The following AADACL4 variants were observed in gnomAD, a reference collection of about 807,000 sequenced individuals.
AADACL4 encodes the protein arylacetamide deacetylase like 4.
A neutral mutation model predicts 14.1 loss-of-function variants in AADACL4; 9 were observed. The observed-to-expected ratio is 0.64, with a 90% CI of 0.39 to 1.12. AADACL4 has a LOEUF of 1.12. Among genes scored for constraint, AADACL4 ranks in the 50% most tolerant of loss-of-function variants. The pLI, the probability that AADACL4 is intolerant of heterozygous loss-of-function variation, is 0.01. For missense variants in AADACL4, 531 were observed against 516.1 expected (o/e 1.03, Z -0.28); for synonymous variants, 188 against 201.6 (o/e 0.93, Z 0.57).
At chr1:12,660,784 C>T (rs1343298125) in intron 2 of AADACL4, among the ~76,000 whole-genome samples, 1 of 152,162 alleles carries the variant, frequency 6.6e-6, no homozygotes, top group Non-Finnish European at 1.5e-5. Flanking sequence ...GCTGGGACTA[C>T]AGGCATGTGC....
chr1:12,659,064 T>C (rs1647206559), intron 2 of AADACL4, among the ~76,000 whole-genome samples: 1 of 152,182 alleles, frequency 6.6e-6, no homozygotes, highest in African/African-American at 2.4e-5. Context: ...TATGGATGTA[T>C]GGACCGACGC....
At position 12,644,530 on chromosome 1, in the gene AADACL4, C is replaced by T. The variant is rs1436638636; in HGVS notation, c.-17C>T. 1 of 1,612,614 alleles carries T rather than the reference C, an allele frequency of 6.2e-7. No homozygotes were observed. Among genetic ancestry groups the T allele is most frequent in the Admixed American group, 1.7e-5 (1 of 59,932 alleles). ...GACAAGCTCCTCAGGGCAGCAGCTC[C>T]TCAAGGCCCCAGGAACATGGCTGTC... On this transcript the variant is annotated 5_prime_UTR_variant, in exon 1 of 4. Coordinates refer to ENST00000376221, the MANE Select transcript of AADACL4 (RefSeq NM_001013630.2).
chr1:12,661,030 G>A (rs1304404040), intron 2 of AADACL4, among the ~76,000 whole-genome samples: 4 of 152,108 alleles, frequency 2.6e-5, no homozygotes, highest in African/African-American at 4.8e-5. Context: ...TGACTGCTCC[G>A]ACTCAATTTA....
chr1:12,656,564 A>G (rs1385092360), intron 2 of AADACL4, among the ~76,000 whole-genome samples: 1 of 152,180 alleles, frequency 6.6e-6, no homozygotes, highest in East Asian at 1.9e-4. Context: ...TAAGGGGCCT[A>G]CCCTGCTGCG....
intron 2 of AADACL4, among the ~76,000 whole-genome samples, chr1:12,654,192 A>AGG (rs1647167333): frequency 6.6e-6 from 1 of 152,222 alleles, no homozygotes; most frequent in South Asian, 2.1e-4. Flanking sequence ...TTGGCACTAT[A>AGG]GGATGTAAGA....
chr1:12,657,527 G>T (rs969721014), intron 2 of AADACL4, among the ~76,000 whole-genome samples: 1 of 152,146 alleles, frequency 6.6e-6, no homozygotes, highest in Non-Finnish European at 1.5e-5. Flanking sequence ...ATTCAAGGAC[G>T]AGTCAGAAAA....
At chr1:12,657,851 T>A (rs1454052529) in intron 2 of AADACL4, among the ~76,000 whole-genome samples, 1 of 152,166 alleles carries the variant, frequency 6.6e-6, no homozygotes, top group African/African-American at 2.4e-5. Flanking sequence ...CGGTGCCATG[T>A]TGGGTCCAGT....
intron 2 of AADACL4, among the ~76,000 whole-genome samples, chr1:12,657,213 C>T (rs746262961): frequency 6.6e-6 from 1 of 150,512 alleles, no homozygotes. Flanking sequence ...GAAAATTTCT[C>T]ATCTCTGCTT....
rs755699304 is a variant in AADACL4 at position 12,644,663 on chromosome 1, T to A, written c.117T>A (p.His39Gln). ...CGGATATCCCTGCTACCTTGCAGCA[T>A]CCTGCCAAGTTGAGATTCCTGCATT... Reference protein sequence around the residue: ...LTTDIPATLQHPAKLRFLHCI... With the variant: ...LTTDIPATLQQPAKLRFLHCI... Residue 39 changes from histidine to glutamine, a missense_variant, in exon 1 of 4, where the codon CAT (histidine) becomes CAA (glutamine). Transcript: ENST00000376221. 2 of 1,614,176 alleles carry A rather than the reference T, an allele frequency of 1.2e-6. No individual in the cohort carries two copies. The highest frequency in any genetic ancestry group is 1.7e-6 in the Non-Finnish European group (2 of 1,180,012).
At chr1:12,651,433 T>A in intron 2 of AADACL4, 94 bp downstream of exon 2, 2 of 1,303,704 alleles carry the variant, frequency 1.5e-6, no homozygotes, top group Non-Finnish European at 2.1e-6. Context: ...TACAGTAGCT[T>A]AAAGGAATCA....
At chr1:12,657,442 G>A (rs1435024729) in intron 2 of AADACL4, among the ~76,000 whole-genome samples, 2 of 152,180 alleles carry the variant, frequency 1.3e-5, no homozygotes, top group Non-Finnish European at 2.9e-5. Context: ...CTGCTGGTCT[G>A]GGGGAGGTCC....
Position 12,644,451 on chromosome 1 carries a change from G to A in AADACL4, c.-96G>A. On this transcript the variant is annotated 5_prime_UTR_variant, in exon 1 of 4. Transcript: ENST00000376221. The stretch of plus-strand genomic sequence containing the variant: ...GTCAGGCTTAGCCCAGAGAGAGTGA[G>A]GTGGAGGAGGCGGAGGGTGTAACCC... 1 of 1,396,980 alleles carries A rather than the reference G, an allele frequency of 7.2e-7. No homozygotes were observed. Among genetic ancestry groups the A allele is most frequent in the Non-Finnish European group, 9.8e-7 (1 of 1,018,042 alleles). 86.5% of individuals were successfully genotyped at this position (1,396,980 alleles called of 1,614,324 possible).
Position 12,666,127 on chromosome 1 carries a change from TTGG to T in AADACL4, c.620_622del (p.Val207del). 2 of 1,614,210 alleles carry T rather than the reference TTGG, an allele frequency of 1.2e-6. No individual in the cohort carries two copies. Among genetic ancestry groups the T allele is most frequent in the Non-Finnish European group, 1.7e-6 (2 of 1,180,036 alleles). On this transcript the variant is annotated inframe_deletion, in exon 4 of 4. Transcript: ENST00000376221. ...AGCGGTGGCCGCCATCACCCAGGCC[TTGG>T]TGGGCAGATCAGATCTTCCCCGGAT...
At chr1:12,664,468 G>A (rs1254492408) in intron 3 of AADACL4, among the ~76,000 whole-genome samples, 1 of 151,828 alleles carries the variant, frequency 6.6e-6, no homozygotes, top group African/African-American at 2.4e-5. Context: ...CTGGGTTCAA[G>A]TGACTCTCCT....
intron 1 of AADACL4, among the ~76,000 whole-genome samples, chr1:12,648,644 CT>C (rs1647127380): frequency 6.6e-6 from 1 of 150,956 alleles, no homozygotes; most frequent in Admixed American, 6.6e-5. Flanking sequence ...CTCAAGCAGT[CT>C]GCCAGCTTCG....
At position 12,654,132 on chromosome 1, in the gene AADACL4, C is replaced by A. The variant is rs1047023986; in HGVS notation, c.385+2793C>A. On this transcript the variant is annotated intron_variant, in intron 2 of 3. Transcript: ENST00000376221. ...AGAAACCATCCATAAGATCTAATAC[C>A]ATGAACCAATTGGTGTCTCCCAGTA... Among the ~76,000 whole-genome samples the A allele has an allele frequency of 6.4e-4, 98 of 152,176 alleles. 1 individual carries two copies. Among genetic ancestry groups the A allele is most frequent in the Non-Finnish European group, 1.6e-4 (11 of 68,034 alleles).
Position 12,644,680 on chromosome 1 carries a change from T to A in AADACL4, c.134T>A (p.Phe45Tyr). Residue 45 changes from phenylalanine (F) to tyrosine (Y), a missense_variant, in exon 1 of 4, where the codon TTC becomes TAC. By Grantham distance (22) the Phe-to-Tyr change is conservative. Transcript: ENST00000376221. ...TTGCAGCATCCTGCCAAGTTGAGATTCCTGCATTGCATATTCCTCTACCTG... is the reference window on the plus strand; with the variant it reads ...TTGCAGCATCCTGCCAAGTTGAGATACCTGCATTGCATATTCCTCTACCTG... ...ATLQHPAKLRFLHCIFLYLVT... is the reference protein window; with the variant it reads ...ATLQHPAKLRYLHCIFLYLVT... 6.2e-7 allele frequency: 1 copy of A among 1,614,124 alleles called. No homozygotes were observed. The highest frequency in any genetic ancestry group is 1.1e-5 in the South Asian group (1 of 91,078).
rs1647351976 is a variant in AADACL4 at position 12,666,827 on chromosome 1, G to A, written c.*92G>A. The A allele has an allele frequency of 7.7e-7, 1 of 1,306,198 alleles. No individual in the cohort carries two copies. The highest frequency in any genetic ancestry group is 1.5e-5 in the African/African-American group (1 of 67,488). 80.9% of individuals were successfully genotyped at this position (1,306,198 alleles called of 1,614,324 possible). A position where few individuals can be genotyped will look rare whatever the true frequency, so the allele number is the denominator to read the frequency against. ...TGAGTTCTATTTTATTGACTAAAGA[G>A]GTGCTACATCAATGCTTGGGGCAGC... On this transcript the variant is annotated 3_prime_UTR_variant, in exon 4 of 4. Transcript: ENST00000376221.
chr1:12,652,637 T>C (rs1217857320), intron 2 of AADACL4, among the ~76,000 whole-genome samples: 2 of 152,232 alleles, frequency 1.3e-5, no homozygotes, highest in African/African-American at 4.8e-5. Context: ...AAAGAAATGC[T>C]ACCTTTATGC....
Sources: allele counts gnomAD v4.1 joint callset (sites outside exome capture counted in the v4.1 genomes callset), GRCh38; gene constraint gnomAD v4.1.1; transcripts MANE v1.5; gene names NCBI Gene and HGNC (gene_info 2026-07-23, HGNC 2026-07-21).